Variants in SNTG2 observed in about 807,000 individuals in gnomAD.
The protein encoded by SNTG2 is syntrophin gamma 2.
A neutral mutation model predicts 70.9 loss-of-function variants in SNTG2; 74 were observed. That is an observed-to-expected ratio of 1.04 (90% CI 0.86 to 1.27). SNTG2 has a LOEUF of 1.27. SNTG2 is among the 50% of genes most tolerant of loss of function. SNTG2 has a pLI of 0.00. For missense variants in SNTG2, 717 were observed against 690.7 expected (o/e 1.04, Z -0.43); for synonymous variants, 278 against 273.8 (o/e 1.02, Z -0.15).
intron 16 of SNTG2, among the ~76,000 whole-genome samples, chr2:1,342,328 C>G (rs1329453410): frequency 8.8e-6 from 1 of 113,228 alleles, no homozygotes; most frequent in African/African-American, 3.8e-5. Context: ...ATTTGGGAAG[C>G]AGGACATGCA....
intron 16 of SNTG2, among the ~76,000 whole-genome samples, chr2:1,364,820 G>C (rs1477356489): frequency 1.3e-5 from 2 of 151,924 alleles, no homozygotes; most frequent in Non-Finnish European, 2.9e-5. Flanking sequence ...TGAGGCAGGA[G>C]AATGGCGTGA....
At chr2:1,110,999 CTG>C (rs757569161) in intron 4 of SNTG2, among the ~76,000 whole-genome samples, 6 of 152,224 alleles carry the variant, frequency 3.9e-5, no homozygotes, top group East Asian at 1.9e-4. Flanking sequence ...ACTTTCCTAA[CTG>C]TGCTTTCTGT....
chr2:1,272,419 CTGCTGTGAG>C (rs553032430), intron 14 of SNTG2, among the ~76,000 whole-genome samples: 64 of 142,512 alleles, frequency 4.5e-4, no homozygotes, highest in African/African-American at 1.7e-3. Context: ...AACCCAGCTC[CTGCTGTGAG>C]GCCCAGTTCC....
At chr2:1,049,446 TA>T (rs1661929340) in intron 1 of SNTG2, among the ~76,000 whole-genome samples, 1 of 152,234 alleles carries the variant, frequency 6.6e-6, no homozygotes, top group South Asian at 2.1e-4. Context: ...TTTCCCTTAC[TA>T]ACATGAATTT....
chr2:1,278,953 CCT>C (rs1268809668), intron 14 of SNTG2, among the ~76,000 whole-genome samples: 3 of 149,884 alleles, frequency 2.0e-5, no homozygotes, highest in African/African-American at 4.9e-5. Context: ...GCGAATCACC[CCT>C]GTCAGTGCAT....
chr2:1,208,937 A>G (rs1391664674), intron 8 of SNTG2, among the ~76,000 whole-genome samples, 166 bp from the exon 9 acceptor site: 1 of 152,056 alleles, frequency 6.6e-6, no homozygotes, highest in Non-Finnish European at 1.5e-5. Flanking sequence ...TCCGGGTAGA[A>G]GAGCACTTCT....
chr2:975,130 C>T (rs1262116593), intron 1 of SNTG2, among the ~76,000 whole-genome samples: 14 of 151,928 alleles, frequency 9.2e-5, no homozygotes, highest in East Asian at 1.9e-4. Context: ...CACTAACACC[C>T]GTGAGCAATA....
intron 1 of SNTG2, among the ~76,000 whole-genome samples, chr2:1,053,982 T>C (rs2148088025): frequency 7.6e-6 from 1 of 131,656 alleles, no homozygotes; most frequent in South Asian, 2.7e-4. Context: ...CCCTCCTCCC[T>C]CTGCAGGCCC....
intron 1 of SNTG2, among the ~76,000 whole-genome samples, chr2:975,785 A>G (rs1660890687): frequency 6.6e-6 from 1 of 152,264 alleles, no homozygotes; most frequent in African/African-American, 2.4e-5. Context: ...GTTGATAACA[A>G]AAGCTATTGA....
At chr2:1,106,432 A>G (rs28545585) in intron 4 of SNTG2, among the ~76,000 whole-genome samples, 119 of 35,978 alleles carry the variant, frequency 3.3e-3, no homozygotes, top group Middle Eastern at 0.021. Flanking sequence ...CTTGATAATA[A>G]TGGACACGTG....
intron 1 of SNTG2, among the ~76,000 whole-genome samples, chr2:1,046,294 T>G (rs1043615866): frequency 6.6e-6 from 1 of 152,122 alleles, no homozygotes; most frequent in African/African-American, 2.4e-5. Flanking sequence ...TGCATTTGTT[T>G]AGGTGTTGCT....
chr2:1,362,211 C>T (rs1661210938), intron 16 of SNTG2, among the ~76,000 whole-genome samples: 1 of 150,868 alleles, frequency 6.6e-6, no homozygotes, highest in African/African-American at 2.5e-5. Context: ...TTCAGTAGAA[C>T]TTCCACGAAG....
At chr2:1,081,963 A>T (rs1664346246) in intron 1 of SNTG2, among the ~76,000 whole-genome samples, 1 of 152,182 alleles carries the variant, frequency 6.6e-6, no homozygotes, top group Non-Finnish European at 1.5e-5. Flanking sequence ...AAATTACCAG[A>T]TGCAATGCAG....
chr2:1,188,689 A>T (rs187904009), intron 8 of SNTG2, among the ~76,000 whole-genome samples: 4 of 152,320 alleles, frequency 2.6e-5, no homozygotes, highest in African/African-American at 4.8e-5. Context: ...ATAAATTTTT[A>T]AAGTTAATAC....
At chr2:1,197,312 A>G (rs57273653) in intron 8 of SNTG2, among the ~76,000 whole-genome samples, 9,922 of 151,844 alleles carry the variant, frequency 0.065, 436 homozygotes, top group East Asian at 0.21. Context: ...AAAAATGAAC[A>G]GAAGCAACTA....
chr2:963,989 G>T (rs577118948), intron 1 of SNTG2, among the ~76,000 whole-genome samples: 1 of 152,116 alleles, frequency 6.6e-6, no homozygotes, highest in Middle Eastern at 3.4e-3. Context: ...AGCTGCCTGC[G>T]TTTTCCTGTC....
chr2:964,924 G>A (rs1214320467), intron 1 of SNTG2, among the ~76,000 whole-genome samples: 1 of 152,116 alleles, frequency 6.6e-6, no homozygotes, highest in Non-Finnish European at 1.5e-5. Context: ...CCTCTGTCCT[G>A]TTGGCCCTGG....
rs557116443 is a variant in SNTG2, at chr2:1,224,845, G to A, written c.720-13043G>A. ...GCGTTTCCATCCCAGGAGAAAGAATGGAAGCCGTGATAACTCAGGTCACAA... is the reference window on the plus strand; with the variant it reads ...GCGTTTCCATCCCAGGAGAAAGAATAGAAGCCGTGATAACTCAGGTCACAA... On this transcript the variant is annotated intron_variant, in intron 9 of 16. Transcript: ENST00000308624. Among the ~76,000 whole-genome samples, 82 of 152,336 alleles carry A rather than the reference G, an allele frequency of 5.4e-4. 2 individuals carry two copies. The highest frequency in any genetic ancestry group is 3.1e-4 in the Non-Finnish European group (21 of 68,044).
At chr2:1,038,591 A>G (rs537435284) in intron 1 of SNTG2, among the ~76,000 whole-genome samples, 3 of 152,360 alleles carry the variant, frequency 2.0e-5, no homozygotes, top group African/African-American at 7.2e-5. Context: ...AAAGAAATTC[A>G]ACATGGATAA....
Sources: gnomAD v4.1 joint callset for allele counts (sites outside exome capture counted in the v4.1 genomes callset) on GRCh38, gnomAD v4.1.1 for gene constraint, MANE v1.5 for transcripts, NCBI Gene and HGNC (gene_info 2026-07-23, HGNC 2026-07-21) for gene names.